PPFIA2: variants seen among roughly 807,000 people sequenced by gnomAD.
The protein encoded by PPFIA2 is liprin-alpha-2.
In PPFIA2, 46 loss-of-function variants were observed where a neutral mutation model predicts 175.5. The ratio of observed to expected loss-of-function variants is 0.26; its 90% CI spans 0.21 to 0.34. The LOEUF (loss-of-function observed/expected upper bound fraction) is 0.34, where lower values mean the gene tolerates loss of function less well. PPFIA2 is among the 10% of genes least tolerant of loss of function. The pLI, the probability that PPFIA2 is intolerant of heterozygous loss-of-function variation, is 1.00. For synonymous variants in PPFIA2, 568 were observed against 511.4 expected (o/e 1.11, Z -1.49); for missense variants, 1,179 against 1,506.1 (o/e 0.78, Z 3.60).
chr12:81,440,813 GATATAT>G (rs142582712), intron 6 of PPFIA2, among the ~76,000 whole-genome samples: 2 of 143,116 alleles, frequency 1.4e-5, no homozygotes, highest in Non-Finnish European at 3.1e-5. Flanking sequence ...TATATGTCCT[GATATAT>G]ATATATATAT....
chr12:81,383,759 A>G (rs1364042797), intron 9 of PPFIA2, among the ~76,000 whole-genome samples: 2 of 152,268 alleles, frequency 1.3e-5, no homozygotes, highest in African/African-American at 4.8e-5. Context: ...ACATTTAAAA[A>G]ATTTTATTAA....
At chr12:81,313,477 T>C (rs2051475210) in intron 22 of PPFIA2, among the ~76,000 whole-genome samples, 2 of 152,072 alleles carry the variant, frequency 1.3e-5, no homozygotes, top group Non-Finnish European at 2.9e-5. Flanking sequence ...TGCATATTTT[T>C]GGCCTTAACT....
intron 9 of PPFIA2, among the ~76,000 whole-genome samples, chr12:81,383,586 A>G (rs1472049623): frequency 3.9e-5 from 6 of 152,160 alleles, no homozygotes; most frequent in Non-Finnish European, 8.8e-5. Context: ...TGTTATACAT[A>G]TGCGTGTATA....
intron 22 of PPFIA2, among the ~76,000 whole-genome samples, chr12:81,318,954 C>T (rs964871877): frequency 6.6e-6 from 1 of 151,630 alleles, no homozygotes; most frequent in Non-Finnish European, 1.5e-5. Context: ...TTATCATTTT[C>T]ATGTTCTATT....
chr12:81,389,430 A>G (rs2039688198), intron 8 of PPFIA2, among the ~76,000 whole-genome samples: 1 of 152,006 alleles, frequency 6.6e-6, no homozygotes, highest in Admixed American at 6.6e-5. Flanking sequence ...AACTTTTTAA[A>G]TTCCATTAAG....
intron 4 of PPFIA2, among the ~76,000 whole-genome samples, chr12:81,520,929 G>A (rs918600051): frequency 2.0e-5 from 3 of 152,158 alleles, no homozygotes; most frequent in African/African-American, 7.2e-5. Flanking sequence ...ACTGCAATGG[G>A]AAATCATTAT....
intron 17 of PPFIA2, among the ~76,000 whole-genome samples, chr12:81,352,381 G>T (rs1403586803): frequency 2.7e-5 from 4 of 148,898 alleles, no homozygotes; most frequent in Non-Finnish European, 1.5e-5. Context: ...GGCAGACAGA[G>T]AGAGAGAGAG....
At chr12:81,709,111 T>A (rs1426046283) in intron 3 of PPFIA2, among the ~76,000 whole-genome samples, 1 of 152,128 alleles carries the variant, frequency 6.6e-6, no homozygotes, top group Non-Finnish European at 1.5e-5. Context: ...TCTTTCTTAT[T>A]GTTCAGGTTC....
At chr12:81,629,223 T>A (rs978240600) in intron 4 of PPFIA2, among the ~76,000 whole-genome samples, 1 of 152,128 alleles carries the variant, frequency 6.6e-6, no homozygotes, top group African/African-American at 2.4e-5. Flanking sequence ...CTATAAAAAA[T>A]TTAGATTCCA....
intron 4 of PPFIA2, among the ~76,000 whole-genome samples, chr12:81,578,002 G>A (rs1341607600): frequency 6.6e-6 from 1 of 151,582 alleles, no homozygotes; most frequent in Non-Finnish European, 1.5e-5. Flanking sequence ...TTTCTATTAC[G>A]AGAAGATCCA....
At chr12:81,533,725 ATC>A (rs2064962985) in intron 4 of PPFIA2, among the ~76,000 whole-genome samples, 2 of 108,196 alleles carry the variant, frequency 1.8e-5, no homozygotes, top group South Asian at 2.9e-4. Flanking sequence ...CTATCTATCT[ATC>A]TATCTATCTA....
intron 4 of PPFIA2, among the ~76,000 whole-genome samples, chr12:81,667,803 A>T (rs939973268): frequency 6.6e-6 from 1 of 151,978 alleles, no homozygotes; most frequent in Non-Finnish European, 1.5e-5. Flanking sequence ...CACCACCAAA[A>T]TTTAAGTTAC....
chr12:81,358,646 G>C lies in PPFIA2; in HGVS notation c.1638-429C>G, dbSNP rs563843162. ...CTTATACATCTAGCTAAAAATGTCT[G>C]AAATTTGAGGGTCCCAGAACTTTTC... On this transcript the variant is annotated intron_variant, in intron 15 of 32. Coordinates refer to ENST00000549396, the MANE Select transcript of PPFIA2 (RefSeq NM_003625.5). Among the ~76,000 whole-genome samples, 4 of 152,172 alleles carry C rather than the reference G, an allele frequency of 2.6e-5. No homozygotes were observed. The East Asian group carries it at 7.7e-4, about 29-fold the overall frequency.
At chr12:81,477,839 A>C (rs547222457) in intron 4 of PPFIA2, among the ~76,000 whole-genome samples, 7 of 151,856 alleles carry the variant, frequency 4.6e-5, no homozygotes, top group South Asian at 4.2e-4. Context: ...ATTGATGTTC[A>C]TCAGGAATAT....
intron 4 of PPFIA2, among the ~76,000 whole-genome samples, chr12:81,672,560 G>A (rs1213281919): frequency 6.6e-6 from 1 of 151,820 alleles, no homozygotes; most frequent in Non-Finnish European, 1.5e-5. Context: ...GAATTAGATG[G>A]GTAATCACTT....
chr12:81,324,188 T>C (rs1375079918), intron 22 of PPFIA2, among the ~76,000 whole-genome samples: 1 of 152,014 alleles, frequency 6.6e-6, no homozygotes, highest in Non-Finnish European at 1.5e-5. Flanking sequence ...TACTTAGTAG[T>C]TGAGAAACGA....
intron 3 of PPFIA2, among the ~76,000 whole-genome samples, chr12:81,692,691 T>C (rs891439792): frequency 7.9e-5 from 12 of 152,104 alleles, no homozygotes; most frequent in Non-Finnish European, 2.9e-5. Context: ...TAAATGATCA[T>C]TCAATTGATT....
intron 3 of PPFIA2, among the ~76,000 whole-genome samples, chr12:81,684,033 C>T (rs2153579391): frequency 1.3e-5 from 2 of 152,198 alleles, no homozygotes; most frequent in Middle Eastern, 3.4e-3. Flanking sequence ...TGTCCCATGA[C>T]CCAAACACCT....
At chr12:81,340,794 G>T (rs1240004073) in intron 20 of PPFIA2, among the ~76,000 whole-genome samples, 1 of 151,866 alleles carries the variant, frequency 6.6e-6, no homozygotes, top group Non-Finnish European at 1.5e-5. Context: ...CCTTCCTCTA[G>T]CCTGATCTCA....
Sources: allele counts gnomAD v4.1 joint callset (sites outside exome capture counted in the v4.1 genomes callset), GRCh38; gene constraint gnomAD v4.1.1; transcripts MANE v1.5; gene names NCBI Gene and HGNC (gene_info 2026-07-23, HGNC 2026-07-21).